ZNF451: variants seen among roughly 807,000 people sequenced by gnomAD.
ZNF451 encodes E3 SUMO-protein ligase ZNF451.
A neutral mutation model predicts 107.1 loss-of-function variants in ZNF451; 80 were observed. The observed-to-expected ratio is 0.75, with a 90% CI of 0.62 to 0.90. The LOEUF (loss-of-function observed/expected upper bound fraction) is 0.90, where lower values mean the gene tolerates loss of function less well. Among genes scored for constraint, ZNF451 ranks in the 40% least tolerant of loss-of-function variants. ZNF451 has a pLI of 0.00. For missense variants in ZNF451, 1,107 were observed against 1,236.2 expected, an observed-to-expected ratio of 0.90 and a Z score of 1.57; for synonymous variants, 362 against 406.5, an observed-to-expected ratio of 0.89 and a Z score of 1.32.
intron 13 of ZNF451, chr6:57,160,830 G>A: frequency 3.0e-6 from 1 of 330,712 alleles, no homozygotes. Context: ...TATGCAAGAG[G>A]CATTGTTAAT....
chr6:57,140,772 C>A (rs1433434415), intron 7 of ZNF451, among the ~76,000 whole-genome samples: 1 of 152,118 alleles, frequency 6.6e-6, no homozygotes, highest in East Asian at 1.9e-4. Flanking sequence ...GATATACCAG[C>A]TGATTTTTAG....
Position 57,128,752 on chromosome 6 carries a change from T to C in ZNF451, c.336T>C (p.Ala112=), listed in dbSNP as rs746443019. ...AFREKIDFQH[A]HGLQELEFIR... ...AGGAAAAAATTGATTTTCAGCATGC[T>C]CATGGGTTACAAGAATTGGAATTTA... is the stretch of plus-strand genomic sequence containing the variant. Residue 112 remains alanine, a synonymous_variant, in exon 5 of 15, where the codon GCT becomes GCC. Transcript: ENST00000370706. The C allele has an allele frequency of 3.7e-6, 6 of 1,612,180 alleles. No individual in the cohort carries two copies. The highest frequency in any genetic ancestry group is 5.1e-6 in the Non-Finnish European group (6 of 1,179,072).
intron 3 of ZNF451, among the ~76,000 whole-genome samples, chr6:57,119,253 G>A (rs933592307): frequency 1.1e-4 from 16 of 152,038 alleles, no homozygotes; most frequent in African/African-American, 3.1e-4. Flanking sequence ...AGGCCGGGGC[G>A]TGGTGGTGCA....
At chr6:57,127,824 A>G (rs1831000975) in intron 4 of ZNF451, among the ~76,000 whole-genome samples, 1 of 152,240 alleles carries the variant, frequency 6.6e-6, no homozygotes, top group Non-Finnish European at 1.5e-5. Context: ...TGGAAAATAC[A>G]CAAATAGTTT....
intron 3 of ZNF451, chr6:57,102,504 A>G: frequency 2.0e-6 from 2 of 992,314 alleles, no homozygotes; most frequent in Non-Finnish European, 1.2e-6. Flanking sequence ...TCTGTTTACT[A>G]AGACCAGAGG....
rs907803195 is a variant in ZNF451 at position 57,103,833 on chromosome 6, A to G, written c.186+4692A>G. 7.1e-6 allele frequency: 7 copies of G among 985,268 alleles called. No homozygotes were observed. In the South Asian group the frequency reaches 1.9e-4, roughly 26 times the overall value. The allele number at this position is 985,268 out of a possible 1,614,324, so 61.0% of individuals were successfully genotyped here. On this transcript the variant is annotated intron_variant, in intron 3 of 14. Transcript: ENST00000370706. ...CTGGTGCCACACTTTTTAATAATCT[A>G]TTGGAAGCTCATTCCTCCTCCCCCA...
intron 3 of ZNF451, chr6:57,115,120 A>AGT (rs1239095703): frequency 6.6e-6 from 1 of 152,054 alleles, no homozygotes; most frequent in African/African-American, 2.4e-5. Context: ...ACTTGCTGGG[A>AGT]GTGTTGGTAC....
intron 3 of ZNF451, among the ~76,000 whole-genome samples, chr6:57,110,084 A>G (rs146879186): frequency 2.4e-4 from 36 of 152,290 alleles, no homozygotes; most frequent in Middle Eastern, 3.4e-3. Context: ...CAAGTGTGTG[A>G]GCTGAGTTTT....
chr6:57,098,349 T>C (rs1265603309), intron 2 of ZNF451, among the ~76,000 whole-genome samples: 1 of 151,792 alleles, frequency 6.6e-6, no homozygotes, highest in African/African-American at 2.4e-5. Flanking sequence ...TCAATCTCTT[T>C]TAGTTTTCCA....
At chr6:57,102,275 C>G in intron 3 of ZNF451, 1 of 1,316,632 alleles carries the variant, frequency 7.6e-7, no homozygotes. Flanking sequence ...AATAAAGAAA[C>G]TCATGACTTA....
intron 13 of ZNF451, among the ~76,000 whole-genome samples, chr6:57,157,408 C>T (rs544849997): frequency 1.1e-4 from 17 of 152,124 alleles, no homozygotes; most frequent in East Asian, 1.9e-4. Flanking sequence ...TTCTGTATAT[C>T]GGTGTCCAGT....
At chr6:57,154,217 T>C (rs1763289057) in intron 13 of ZNF451, 170 bp downstream of exon 13, 1 of 670,184 alleles carries the variant, frequency 1.5e-6, no homozygotes, top group Non-Finnish European at 2.5e-6. Flanking sequence ...TTTCATTCTT[T>C]AGTGTTTTAG....
intron 3 of ZNF451, chr6:57,116,024 T>G (rs1271526301): frequency 6.6e-6 from 1 of 152,156 alleles, no homozygotes; most frequent in Non-Finnish European, 1.5e-5. Context: ...TCAGGTCATA[T>G]CTGAAAGCCT....
At chr6:57,100,114 G>C (rs1228893971) in intron 3 of ZNF451, among the ~76,000 whole-genome samples, 3 of 152,108 alleles carry the variant, frequency 2.0e-5, no homozygotes, top group African/African-American at 4.8e-5. Flanking sequence ...GACAGTGAAT[G>C]ACAGAATTTT....
At chr6:57,152,609 T>C (rs1467284246) in intron 12 of ZNF451, among the ~76,000 whole-genome samples, 1 of 152,148 alleles carries the variant, frequency 6.6e-6, no homozygotes, top group Non-Finnish European at 1.5e-5. Context: ...TTTGGGTTTG[T>C]TTTTGAGACA....
At chr6:57,121,709 A>G (rs186370887) in intron 3 of ZNF451, among the ~76,000 whole-genome samples, 5 of 152,308 alleles carry the variant, frequency 3.3e-5, no homozygotes, top group Non-Finnish European at 2.9e-5. Context: ...AAACTATAAA[A>G]CACTGCTGAA....
intron 3 of ZNF451, among the ~76,000 whole-genome samples, chr6:57,113,248 C>G (rs2127950257): frequency 6.6e-6 from 1 of 151,882 alleles, no homozygotes; most frequent in East Asian, 1.9e-4. Flanking sequence ...ATTTGGTTTT[C>G]TGTTCCTGTG....
intron 5 of ZNF451, among the ~76,000 whole-genome samples, chr6:57,129,828 T>A (rs1248230080): frequency 1.3e-5 from 2 of 152,142 alleles, no homozygotes; most frequent in Non-Finnish European, 2.9e-5. Context: ...TTCTTCTTAC[T>A]TGCCTGTGGG....
At chr6:57,163,526 C>T (rs1478900591) in intron 14 of ZNF451, among the ~76,000 whole-genome samples, 8 of 133,622 alleles carry the variant, frequency 6.0e-5, no homozygotes. Context: ...TCTCAGCTCA[C>T]TGCAAGCTCC....
Sources: gnomAD v4.1 joint callset for allele counts (sites outside exome capture counted in the v4.1 genomes callset) on GRCh38, gnomAD v4.1.1 for gene constraint, MANE v1.5 for transcripts, NCBI Gene and HGNC (gene_info 2026-07-23, HGNC 2026-07-21) for gene names.